The following NRXN3 variants were observed in gnomAD, a reference collection of about 807,000 sequenced individuals.
NRXN3 encodes neurexin 3.
A neutral mutation model predicts 137.6 loss-of-function variants in NRXN3; 32 were observed. That is an observed-to-expected ratio of 0.23 (90% confidence interval 0.18 to 0.31). The LOEUF is 0.31. Among genes scored for constraint, NRXN3 ranks in the 10% least tolerant of loss-of-function variants. NRXN3 has a pLI of 1.00. For synonymous variants in NRXN3, 798 were observed against 784.5 expected (o/e 1.02, Z -0.29); for missense variants, 1,574 against 2,062.5 (o/e 0.76, Z 4.59).
intron 20 of NRXN3, among the ~76,000 whole-genome samples, chr14:79,849,884 G>T (rs2141687533): frequency 6.6e-6 from 1 of 152,250 alleles, no homozygotes; most frequent in East Asian, 1.9e-4. Flanking sequence ...GTCTACAGAA[G>T]AAGTTATGAG....
chr14:78,503,068 C>T (rs2095910971), intron 4 of NRXN3, among the ~76,000 whole-genome samples: 1 of 152,100 alleles, frequency 6.6e-6, no homozygotes, highest in African/African-American at 2.4e-5. Flanking sequence ...ACATCACTGG[C>T]AGAAATATGA....
intron 8 of NRXN3, among the ~76,000 whole-genome samples, chr14:78,792,257 C>CAAAAAAAA (rs140968788): frequency 2.1e-4 from 4 of 19,456 alleles, no homozygotes; most frequent in African/African-American, 5.5e-4. Context: ...AGACTAAAGG[C>CAAAAAAAA]AAAAAAAAAA....
intron 16 of NRXN3, among the ~76,000 whole-genome samples, chr14:79,640,965 A>T (rs945395564): frequency 1.3e-4 from 17 of 135,324 alleles, no homozygotes; most frequent in African/African-American, 4.2e-4. Context: ...TAAACACTTA[A>T]GTTTTCTTCT....
chr14:78,267,381 T>C (rs2071937125), intron 2 of NRXN3, among the ~76,000 whole-genome samples: 1 of 152,112 alleles, frequency 6.6e-6, no homozygotes, highest in Non-Finnish European at 1.5e-5. Context: ...TGGGCCCATA[T>C]GGTGAAATGT....
chr14:78,647,443 A>G (rs2097698601), intron 5 of NRXN3, among the ~76,000 whole-genome samples: 1 of 152,220 alleles, frequency 6.6e-6, no homozygotes, highest in Admixed American at 6.5e-5. Flanking sequence ...CTTATGTTCC[A>G]GAAGGATTAT....
chr14:78,542,522 G>A (rs997747989), intron 4 of NRXN3, among the ~76,000 whole-genome samples: 1 of 152,220 alleles, frequency 6.6e-6, no homozygotes, highest in Admixed American at 6.5e-5. Flanking sequence ...CTCCTTGTCT[G>A]CCAGTTGCTA....
intron 1 of NRXN3, among the ~76,000 whole-genome samples, chr14:78,224,915 C>T (rs1457164495): frequency 1.3e-4 from 20 of 151,118 alleles, no homozygotes; most frequent in East Asian, 3.9e-4. Flanking sequence ...TACAGGCACC[C>T]GCCACCGTGC....
intron 14 of NRXN3, among the ~76,000 whole-genome samples, chr14:78,987,677 T>C (rs975293133): frequency 6.6e-6 from 1 of 152,116 alleles, no homozygotes; most frequent in Non-Finnish European, 1.5e-5. Flanking sequence ...TTTTCTGAGT[T>C]AGCATTCTAC....
intron 14 of NRXN3, among the ~76,000 whole-genome samples, chr14:78,986,308 AT>A (rs2099504312): frequency 6.6e-6 from 1 of 152,166 alleles, no homozygotes; most frequent in South Asian, 2.1e-4. Context: ...TCTCTGGGAA[AT>A]TCATGGAGTT....
At chr14:78,598,499 C>G (rs1004101747) in intron 4 of NRXN3, among the ~76,000 whole-genome samples, 1 of 152,250 alleles carries the variant, frequency 6.6e-6, no homozygotes, top group Non-Finnish European at 1.5e-5. Context: ...ACGCTCCTGC[C>G]TCTTCTGCGG....
intron 4 of NRXN3, among the ~76,000 whole-genome samples, chr14:78,581,639 A>T (rs1034690607): frequency 1.4e-4 from 21 of 152,084 alleles, no homozygotes; most frequent in African/African-American, 5.1e-4. Context: ...TATTTTCATT[A>T]TTTTTCCTGC....
chr14:78,621,085 A>G (rs74064325), intron 4 of NRXN3, among the ~76,000 whole-genome samples: 6,232 of 152,298 alleles, frequency 0.041, 228 homozygotes, highest in East Asian at 0.18. Flanking sequence ...TGAAGATTGA[A>G]TATGAGCCAA....
Position 79,606,010 on chromosome 14 carries a change from G to C in NRXN3, c.3445-57768G>C, listed in dbSNP as rs571875557. On this transcript the variant is annotated intron_variant, in intron 16 of 20. Coordinates refer to ENST00000335750, the MANE Select transcript of NRXN3 (RefSeq NM_001330195.2). ...ACGAGTTCCAAAGTAGAAGGAGCTT[G>C]AACTCCAGGCTGTGGCTTTGAAGCA... is the stretch of plus-strand genomic sequence containing the variant. Among the ~76,000 whole-genome samples, 30 of 152,308 alleles carry C rather than the reference G, an allele frequency of 2.0e-4. No individual in the cohort carries two copies. The South Asian group carries it at 6.2e-3, about 32-fold the overall frequency.
chr14:79,378,413 A>C (rs141515697), intron 15 of NRXN3, among the ~76,000 whole-genome samples: 30 of 152,322 alleles, frequency 2.0e-4, no homozygotes, highest in African/African-American at 5.3e-4. Flanking sequence ...GCCTGGTTAA[A>C]ACTGAGTGTC....
intron 20 of NRXN3, among the ~76,000 whole-genome samples, chr14:79,852,234 A>C (rs868778770): frequency 4.7e-5 from 6 of 128,184 alleles, no homozygotes; most frequent in East Asian, 2.3e-4. Context: ...TTCAACTCCC[A>C]ACACACACAC....
intron 4 of NRXN3, among the ~76,000 whole-genome samples, chr14:78,475,190 G>T (rs1437464881): frequency 6.6e-6 from 1 of 151,622 alleles, no homozygotes; most frequent in Non-Finnish European, 1.5e-5. Flanking sequence ...AGACTGGACA[G>T]GTGTGAAAAA....
chr14:79,384,246 G>C (rs2094543983), intron 15 of NRXN3, among the ~76,000 whole-genome samples: 1 of 152,140 alleles, frequency 6.6e-6, no homozygotes, highest in Non-Finnish European at 1.5e-5. Flanking sequence ...GTGGGTGTTG[G>C]AGAGGGAGGT....
intron 16 of NRXN3, among the ~76,000 whole-genome samples, chr14:79,474,771 A>G (rs1165810014): frequency 3.3e-5 from 5 of 152,082 alleles, no homozygotes; most frequent in Admixed American, 1.3e-4. Context: ...GACCATGGGA[A>G]ATGGGAATAT....
intron 14 of NRXN3, among the ~76,000 whole-genome samples, chr14:78,977,630 A>G (rs540481890): frequency 5.5e-4 from 84 of 152,032 alleles, no homozygotes; most frequent in African/African-American, 1.6e-3. Context: ...CCATCCTCTC[A>G]CTCTTACAAA....
Sources: gnomAD v4.1 joint callset for allele counts (sites outside exome capture counted in the v4.1 genomes callset) on GRCh38, gnomAD v4.1.1 for gene constraint, MANE v1.5 for transcripts, NCBI Gene and HGNC (gene_info 2026-07-23, HGNC 2026-07-21) for gene names.